PRKD1: variants seen among roughly 807,000 people sequenced by gnomAD.
PRKD1 encodes the protein serine/threonine-protein kinase D1.
PRKD1 carries 63 observed loss-of-function variants against 95.9 expected under a neutral mutation model. The observed-to-expected ratio is 0.66, with a 90% CI of 0.54 to 0.81. PRKD1 has a LOEUF of 0.81. Ranked by LOEUF, PRKD1 falls within the 30% of genes least tolerant of loss-of-function variation. The pLI is 0.00. For synonymous variants in PRKD1, 425 were observed against 423.1 expected (o/e 1.00, Z -0.05); for missense variants, 1,048 against 1,165.3 (o/e 0.90, Z 1.47).
intron 1 of PRKD1, among the ~76,000 whole-genome samples, chr14:29,782,330 T>C (rs550831827): frequency 2.0e-4 from 30 of 152,280 alleles, no homozygotes; most frequent in Admixed American, 1.5e-3. Flanking sequence ...TTGAAGACTA[T>C]ATTAATTTGA....
At position 29,676,007 on chromosome 14, in the gene PRKD1, A is replaced by T. The variant is rs1312388371; in HGVS notation, c.404-9799T>A. Among the ~76,000 whole-genome samples the T allele has an allele frequency of 4.0e-5, 6 of 150,368 alleles. No individual in the cohort carries two copies. In the South Asian group the frequency reaches 6.4e-4, roughly 16 times the overall value. ...GGTGGGGGGTGGGGGGAGGGATAAC[A>T]TTAGGAGATATACCTAATGTAAATG... On this transcript the variant is annotated intron_variant, in intron 2 of 17. Transcript: ENST00000331968.
At chr14:29,916,006 A>T (rs1894876206) in intron 1 of PRKD1, among the ~76,000 whole-genome samples, 2 of 152,190 alleles carry the variant, frequency 1.3e-5, no homozygotes, top group African/African-American at 4.8e-5. Flanking sequence ...AAAAGCCAAG[A>T]TACAGATTGG....
At chr14:29,867,751 G>T (rs961324920) in intron 1 of PRKD1, among the ~76,000 whole-genome samples, 6 of 152,224 alleles carry the variant, frequency 3.9e-5, no homozygotes, top group Non-Finnish European at 7.3e-5. Flanking sequence ...CTGACACTCT[G>T]CTTAGTGCAG....
chr14:29,688,731 C>T (rs1041743328), intron 2 of PRKD1, among the ~76,000 whole-genome samples: 4 of 151,802 alleles, frequency 2.6e-5, no homozygotes, highest in African/African-American at 7.3e-5. Flanking sequence ...TAGGAGTTCA[C>T]GACCAGCCTG....
chr14:29,747,249 T>G (rs1887266659), intron 1 of PRKD1, among the ~76,000 whole-genome samples: 1 of 152,064 alleles, frequency 6.6e-6, no homozygotes. Flanking sequence ...AAGGTACCCA[T>G]TAACAGTGCT....
intron 16 of PRKD1, among the ~76,000 whole-genome samples, chr14:29,594,404 C>T (rs1413906836): frequency 6.6e-6 from 1 of 152,124 alleles, no homozygotes; most frequent in Admixed American, 6.6e-5. Flanking sequence ...TTCTGCTGTC[C>T]TCCTTCTGAT....
intron 1 of PRKD1, among the ~76,000 whole-genome samples, chr14:29,763,440 G>A (rs1432553655): frequency 2.2e-5 from 2 of 92,560 alleles, no homozygotes; most frequent in Non-Finnish European, 4.5e-5. Context: ...GGGGAGGGAG[G>A]GGGGAGGGGA....
intron 1 of PRKD1, among the ~76,000 whole-genome samples, chr14:29,808,575 T>C (rs1890345624): frequency 6.6e-6 from 1 of 151,608 alleles, no homozygotes; most frequent in Non-Finnish European, 1.5e-5. Flanking sequence ...AATTTTTGTA[T>C]TTTTAGTAGA....
intron 1 of PRKD1, among the ~76,000 whole-genome samples, chr14:29,870,379 G>C (rs1051227872): frequency 6.6e-6 from 1 of 152,090 alleles, no homozygotes; most frequent in Non-Finnish European, 1.5e-5. Flanking sequence ...AATATTCATA[G>C]CTGCAGGTGT....
chr14:29,710,456 A>G (rs1434746694), intron 2 of PRKD1, among the ~76,000 whole-genome samples: 2 of 152,142 alleles, frequency 1.3e-5, no homozygotes, highest in African/African-American at 4.8e-5. Flanking sequence ...ATTATGAGAA[A>G]GACGTCCAAT....
At chr14:29,588,766 C>T (rs1032125239) in intron 16 of PRKD1, among the ~76,000 whole-genome samples, 8 of 150,188 alleles carry the variant, frequency 5.3e-5, no homozygotes, top group Non-Finnish European at 1.0e-4. Flanking sequence ...AAGGCATTTC[C>T]TATGCTTTGC....
chr14:29,692,412 C>G (rs1594433271), intron 2 of PRKD1, among the ~76,000 whole-genome samples: 1 of 152,074 alleles, frequency 6.6e-6, no homozygotes, highest in East Asian at 1.9e-4. Context: ...TACTGAAAGC[C>G]AGATAACTCT....
At chr14:29,641,452 T>G (rs1224571163) in intron 4 of PRKD1, among the ~76,000 whole-genome samples, 1 of 152,196 alleles carries the variant, frequency 6.6e-6, no homozygotes, top group Non-Finnish European at 1.5e-5. Context: ...TAGTAACGTA[T>G]TTTGTAGAAA....
intron 1 of PRKD1, among the ~76,000 whole-genome samples, chr14:29,843,441 C>T (rs1891947237): frequency 6.6e-6 from 1 of 151,964 alleles, no homozygotes; most frequent in Admixed American, 6.6e-5. Context: ...GGTACCAGAC[C>T]CAAAGAGCTG....
intron 1 of PRKD1, among the ~76,000 whole-genome samples, chr14:29,813,172 A>G (rs1468517180): frequency 6.6e-6 from 1 of 152,196 alleles, no homozygotes; most frequent in Non-Finnish European, 1.5e-5. Context: ...TATGCATTCT[A>G]GAAACCACAA....
chr14:29,812,599 A>C (rs544130859), intron 1 of PRKD1, among the ~76,000 whole-genome samples: 1 of 152,306 alleles, frequency 6.6e-6, no homozygotes, highest in South Asian at 2.1e-4. Context: ...CTTCTTCACA[A>C]GGAGGCAGGA....
At chr14:29,596,324 T>C (rs1243062388) in intron 16 of PRKD1, among the ~76,000 whole-genome samples, 1 of 152,190 alleles carries the variant, frequency 6.6e-6, no homozygotes, top group East Asian at 1.9e-4. Flanking sequence ...ACAAACAGAA[T>C]GAACCTAGAA....
At chr14:29,695,792 G>A (rs554856169) in intron 2 of PRKD1, among the ~76,000 whole-genome samples, 1 of 152,186 alleles carries the variant, frequency 6.6e-6, no homozygotes, top group Non-Finnish European at 1.5e-5. Flanking sequence ...AAGAGGAAGA[G>A]TGCCAGCCAA....
At chr14:29,633,738 G>A (rs1302614854) in intron 8 of PRKD1, among the ~76,000 whole-genome samples, 3 of 152,164 alleles carry the variant, frequency 2.0e-5, no homozygotes, top group Non-Finnish European at 4.4e-5. Flanking sequence ...ATTCAATTGA[G>A]TCCTATAATA....
Sources: allele counts gnomAD v4.1 joint callset (sites outside exome capture counted in the v4.1 genomes callset), GRCh38; gene constraint gnomAD v4.1.1; transcripts MANE v1.5; gene names NCBI Gene and HGNC (gene_info 2026-07-23, HGNC 2026-07-21).